CHRNA6: variants seen among roughly 807,000 people sequenced by gnomAD.
CHRNA6 encodes cholinergic receptor nicotinic alpha 6 subunit.
Under a neutral mutation model 40.9 loss-of-function variants are expected in CHRNA6, and 31 were observed. The ratio of observed to expected loss-of-function variants is 0.76; its 90% CI spans 0.57 to 1.02. The LOEUF (loss-of-function observed/expected upper bound fraction) is 1.02, where lower values mean the gene tolerates loss of function less well. Ranked by LOEUF, CHRNA6 falls within the 50% of genes least tolerant of loss-of-function variation. The pLI is 0.00. For missense variants in CHRNA6, 546 were observed against 596.6 expected, an observed-to-expected ratio of 0.92 and a Z score of 0.88; for synonymous variants, 222 against 221.3, an observed-to-expected ratio of 1.00 and a Z score of -0.03.
At position 42,755,959 on chromosome 8, in the gene CHRNA6, G is replaced by A. The variant is rs1816792520; in HGVS notation, c.1240C>T (p.Gln414Ter). ...LATSKRRLSH[Q>*]PLQWVVENSE... ...TTTTCCACCACCCACTGTAATGGCT[G>A]ATGACTTAATCTTCTCTTGCTTGTG... Residue 414 changes from glutamine to a stop codon, truncating the protein, a stop_gained, in exon 5 of 6, where the codon CAG becomes TAG. Coordinates refer to ENST00000276410, the MANE Select transcript of CHRNA6 (RefSeq NM_004198.3). LOFTEE classifies it high-confidence loss of function. 6 of 1,614,130 alleles carry A rather than the reference G, an allele frequency of 3.7e-6. No homozygotes were observed. The highest frequency in any genetic ancestry group is 5.1e-6 in the Non-Finnish European group (6 of 1,180,060).
chr8:42,766,533 A>G (rs1320684832), intron 1 of CHRNA6, among the ~76,000 whole-genome samples: 1 of 152,138 alleles, frequency 6.6e-6, no homozygotes, highest in African/African-American at 2.4e-5. Context: ...TGTGGTATAT[A>G]TGCACCATGC....
At chr8:42,760,461 TACAC>T (rs200024739) in intron 2 of CHRNA6, among the ~76,000 whole-genome samples, 4 of 138,364 alleles carry the variant, frequency 2.9e-5, no homozygotes, top group African/African-American at 4.9e-5. Flanking sequence ...CTCACACTCA[TACAC>T]ACACACTGGT....
At chr8:42,765,557 G>A (rs1047504354) in intron 1 of CHRNA6, among the ~76,000 whole-genome samples, 9 of 152,170 alleles carry the variant, frequency 5.9e-5, no homozygotes, top group African/African-American at 1.9e-4. Context: ...GAAGTAACTC[G>A]CAGTCTTACT....
Position 42,756,496 on chromosome 8 carries a change from A to G in CHRNA6, c.703T>C (p.Tyr235His). 1 of 1,614,130 alleles carries G rather than the reference A, an allele frequency of 6.2e-7. No individual in the cohort carries two copies. The highest frequency in any genetic ancestry group is 8.5e-7 in the Non-Finnish European group (1 of 1,179,960). Residue 235 changes from tyrosine (Y) to histidine (H), a missense_variant, in exon 5 of 6, where the codon TAC becomes CAC. By Grantham distance (83) the Tyr-to-His change is moderately conservative. Coordinates refer to ENST00000276410, the MANE Select transcript of CHRNA6 (RefSeq NM_004198.3). ...TAAAACATCGGCAATCTTCTAATGT[A>G]GAAAGAATAGGTTATATCTGTGTAT... ...EIYTDITYSF[Y>H]IRRLPMFYTI...
chr8:42,753,608 A>T (rs1308195882), intron 5 of CHRNA6, among the ~76,000 whole-genome samples: 1 of 152,168 alleles, frequency 6.6e-6, no homozygotes. Context: ...TGGGAGGTGG[A>T]GGTTGCAGTG....
chr8:42,753,289 C>T lies in CHRNA6; in HGVS notation c.1375G>A (p.Val459Met), dbSNP rs1371918246. The change falls in exon 6 of 6, where the codon GTG (valine) becomes ATG (methionine). Residue 459 changes from valine to methionine, a missense_variant. Val to Met is a conservative substitution (Grantham distance 21, BLOSUM62 1). Around this residue, in one of 3 missense-constraint regions of CHRNA6, gnomAD observed 65 missense variants for 83.8 expected, o/e 0.78. Transcript: ENST00000276410. ...AATACTCTGTCCACCACCATGGCCA[C>T]GTATTTCCAGTCATCTTCTACCTGA... Reference protein sequence around the residue: ...TKEVEDDWKYVAMVVDRVFLW... With the variant: ...TKEVEDDWKYMAMVVDRVFLW... 20 of 1,605,504 alleles carry T rather than the reference C, an allele frequency of 1.2e-5. No homozygotes were observed. The highest frequency in any genetic ancestry group is 3.4e-5 in the South Asian group (3 of 88,230).
At chr8:42,760,104 G>A (rs1255340441) in intron 2 of CHRNA6, among the ~76,000 whole-genome samples, 1 of 152,158 alleles carries the variant, frequency 6.6e-6, no homozygotes, top group Non-Finnish European at 1.5e-5. Context: ...TAGATGGGGA[G>A]ACATAAAATT....
chr8:42,763,479 C>T (rs1190366417), intron 2 of CHRNA6, among the ~76,000 whole-genome samples: 2 of 152,096 alleles, frequency 1.3e-5, no homozygotes, highest in Non-Finnish European at 2.9e-5. Context: ...CTGCATTTAC[C>T]AGCCCTTTCA....
chr8:42,753,937 G>C (rs746548021), intron 5 of CHRNA6, among the ~76,000 whole-genome samples: 52 of 152,136 alleles, frequency 3.4e-4, no homozygotes, highest in Non-Finnish European at 6.5e-4. Flanking sequence ...TGGCTCCATG[G>C]CAAGTCTGGG....
chr8:42,766,069 A>G (rs1360412906), intron 1 of CHRNA6, among the ~76,000 whole-genome samples: 1 of 152,260 alleles, frequency 6.6e-6, no homozygotes, highest in East Asian at 1.9e-4. Context: ...ATTACTGGGT[A>G]TATACCCAAA....
In CHRNA6 at chr8:42,756,424, C is replaced by T. The variant is rs373928428; in HGVS notation, c.775G>A (p.Val259Met). The change falls in exon 5 of 6, where the codon GTG (valine) becomes ATG (methionine). Residue 259 changes from valine to methionine, a missense_variant. Physicochemically the swap from Val to Met is conservative, Grantham distance 21. This residue lies in a region of CHRNA6 where 476 missense variants were observed against 494.5 expected (regional missense o/e 0.96). Transcript: ENST00000276410. ...TCCGAAGGAAGGTAAAAGACCAACA[C>T]GGTTAGAAATGAAATAAAGAGACAA... ...IPCLFISFLT[V>M]LVFYLPSDCG... The T allele has an allele frequency of 1.2e-5, 20 of 1,614,052 alleles. No homozygotes were observed. The highest frequency in any genetic ancestry group is 4.0e-5 in the African/African-American group (3 of 74,926).
intron 2 of CHRNA6, among the ~76,000 whole-genome samples, chr8:42,763,105 G>C (rs1440745788): frequency 6.6e-6 from 1 of 152,198 alleles, no homozygotes; most frequent in Non-Finnish European, 1.5e-5. Flanking sequence ...CCAAGAATGT[G>C]AATGTGAGGA....
intron 5 of CHRNA6, among the ~76,000 whole-genome samples, chr8:42,753,546 T>G (rs1415229802): frequency 6.6e-6 from 1 of 152,128 alleles, no homozygotes; most frequent in South Asian, 2.1e-4. Flanking sequence ...TGGTGGCATG[T>G]GCCTGTAGTC....
In CHRNA6 at chr8:42,768,242, T is replaced by C. The variant is rs562767675; in HGVS notation, c.79+110A>G. The stretch of plus-strand genomic sequence containing the variant: ...GCAGTTGTAACAGTGGTGGCTCCTA[T>C]GCAGACCATAGAAACTTTTATTAAT... On this transcript the variant is annotated intron_variant, in intron 1 of 5. Coordinates refer to ENST00000276410, the MANE Select transcript of CHRNA6 (RefSeq NM_004198.3). 9 of 837,198 alleles carry C rather than the reference T, an allele frequency of 1.1e-5. No homozygotes were observed. The South Asian group carries it at 1.2e-4, about 11-fold the overall frequency. The allele number at this position is 837,198 out of a possible 1,614,324, so 51.9% of individuals were successfully genotyped here. A position where few individuals can be genotyped will look rare whatever the true frequency, so the allele number is the denominator to read the frequency against.
intron 5 of CHRNA6, among the ~76,000 whole-genome samples, chr8:42,753,913 A>T (rs926888775): frequency 6.6e-6 from 1 of 152,136 alleles, no homozygotes; most frequent in African/African-American, 2.4e-5. Context: ...CATTCTTTGC[A>T]ACGGTGGGTA....
chr8:42,760,894 C>T (rs1269570467), intron 2 of CHRNA6, among the ~76,000 whole-genome samples: 1 of 152,172 alleles, frequency 6.6e-6, no homozygotes, highest in South Asian at 2.1e-4. Context: ...GGCCTTACAG[C>T]CCAGCAGCCT....
Position 42,753,282 on chromosome 8 carries a change from A to G in CHRNA6, c.1382T>C (p.Met461Thr). 6.2e-7 allele frequency: 1 copy of G among 1,607,932 alleles called. No individual in the cohort carries two copies. ...EVEDDWKYVA[M>T]VVDRVFLWVF... Reference sequence around the variant, plus strand: ...CCAAAGAAATACTCTGTCCACCACCATGGCCACGTATTTCCAGTCATCTTC... The same window carrying G: ...CCAAAGAAATACTCTGTCCACCACCGTGGCCACGTATTTCCAGTCATCTTC... Residue 461 changes from methionine to threonine, a missense_variant, in exon 6 of 6, where the codon ATG (methionine) becomes ACG (threonine). Physicochemically the swap from Met to Thr is moderately conservative, Grantham distance 81. This residue lies in a region of CHRNA6 where 65 missense variants were observed against 83.8 expected (regional missense o/e 0.78). Transcript: ENST00000276410.
rs189399921 is a variant in CHRNA6 at position 42,753,435 on chromosome 8, T to C, written c.1354-125A>G. The C allele has an allele frequency of 1.2e-3, 1,060 of 903,376 alleles. 4 individuals carry two copies. The African/African-American group carries it at 0.016, about 14-fold the overall frequency. The allele number at this position is 903,376 out of a possible 1,614,324, so 56.0% of individuals were successfully genotyped here. A position where few individuals can be genotyped will look rare whatever the true frequency, so the allele number is the denominator to read the frequency against. ...TCTCCGGCACGTTTTAAAGCAAATATCAGCTGGGTGGGAGGATCATCTGAG... is the reference window on the plus strand; with the variant it reads ...TCTCCGGCACGTTTTAAAGCAAATACCAGCTGGGTGGGAGGATCATCTGAG... On this transcript the variant is annotated intron_variant, in intron 5 of 5. Coordinates refer to ENST00000276410, the MANE Select transcript of CHRNA6 (RefSeq NM_004198.3).
Position 42,756,548 on chromosome 8 carries a change from G to A in CHRNA6, c.651C>T (p.Asp217=). 6.2e-7 allele frequency: 1 copy of A among 1,614,018 alleles called. No individual in the cohort carries two copies. The highest frequency in any genetic ancestry group is 1.1e-5 in the South Asian group (1 of 91,084). The change falls in exon 5 of 6, where the codon GAC becomes GAT. Residue 217 remains aspartate (D), a synonymous_variant. Coordinates refer to ENST00000276410, the MANE Select transcript of CHRNA6 (RefSeq NM_004198.3). The part of the protein sequence containing the change: ...EIIDASGYKH[D]IKYNCCEEIY... ...TCTCTTCACAACAGTTGTATTTGAT[G>A]TCATGTTTGTAGCCAGAGGCATCAA... is the stretch of plus-strand genomic sequence containing the variant.
Sources: gnomAD v4.1 joint callset for allele counts (sites outside exome capture counted in the v4.1 genomes callset) on GRCh38, gnomAD v4.1.1 for gene constraint, gnomAD v4.1.1 regional missense constraint, MANE v1.5 for transcripts, NCBI Gene and HGNC (gene_info 2026-07-23, HGNC 2026-07-21) for gene names.